The following KIAA0232 variants were observed in gnomAD, a reference collection of about 807,000 sequenced individuals.
KIAA0232 encodes the protein KIAA0232, also known as uncharacterized protein KIAA0232.
A neutral mutation model predicts 122.0 loss-of-function variants in KIAA0232; 27 were observed. That is an observed-to-expected ratio of 0.22 (90% CI 0.16 to 0.31). The LOEUF (loss-of-function observed/expected upper bound fraction) is 0.31. KIAA0232 is among the 10% of genes least tolerant of loss of function. KIAA0232 has a pLI of 1.00. For missense variants in KIAA0232, 1,551 were observed against 1,634.2 expected (o/e 0.95, Z 0.88); for synonymous variants, 613 against 587.6 (o/e 1.04, Z -0.63).
At chr4:6,824,946 C>T (rs1718602685) in intron 3 of KIAA0232, among the ~76,000 whole-genome samples, 1 of 152,194 alleles carries the variant, frequency 6.6e-6, no homozygotes, top group East Asian at 1.9e-4. Flanking sequence ...CAGATCTTGT[C>T]ATGGACTGGT....
intron 8 of KIAA0232, 51 bp downstream of exon 8, chr4:6,871,733 A>C (rs772568743): frequency 9.0e-7 from 1 of 1,109,190 alleles, no homozygotes; most frequent in Non-Finnish European, 1.4e-6. Flanking sequence ...GTAATTTGTT[A>C]AGAGCAATAA....
chr4:6,855,771 T>A lies in KIAA0232; in HGVS notation c.370-1393T>A, dbSNP rs1023003896. 2.3e-6 allele frequency: 2 copies of A among 869,056 alleles called. No individual in the cohort carries two copies. The highest frequency in any genetic ancestry group is 3.6e-5 in the African/African-American group (2 of 54,978). 53.8% of individuals were successfully genotyped at this position (869,056 alleles called of 1,614,324 possible). On this transcript the variant is annotated intron_variant, in intron 4 of 9. Transcript: ENST00000307659. This position sits in a 1 kb window ranked among gnomAD's most constrained non-coding sequence, Gnocchi z 4.3. ...TGCATTGCGAGACTAGCCCTAGGTTTAGAAACCTAGTGACATAGGCTTGCT... is the reference window on the plus strand; with the variant it reads ...TGCATTGCGAGACTAGCCCTAGGTTAAGAAACCTAGTGACATAGGCTTGCT...
At chr4:6,875,231 G>A (rs772079770) in intron 8 of KIAA0232, among the ~76,000 whole-genome samples, 42 of 152,240 alleles carry the variant, frequency 2.8e-4, no homozygotes, top group African/African-American at 8.0e-4. Flanking sequence ...GTGTGTGCCC[G>A]GCACTGTGCT....
At chr4:6,810,728 A>G (rs1022395656) in intron 2 of KIAA0232, among the ~76,000 whole-genome samples, 1 of 152,310 alleles carries the variant, frequency 6.6e-6, no homozygotes, top group Middle Eastern at 3.4e-3. Flanking sequence ...CAGACACTTC[A>G]ACAACAGCAA....
chr4:6,881,106 C>T lies in KIAA0232; in HGVS notation c.*140C>T. 1 of 628,758 alleles carries T rather than the reference C, an allele frequency of 1.6e-6. No homozygotes were observed. Among genetic ancestry groups the T allele is most frequent in the South Asian group, 4.2e-5 (1 of 23,868 alleles). 38.9% of individuals were successfully genotyped at this position (628,758 alleles called of 1,614,324 possible). A position where few individuals can be genotyped will look rare whatever the true frequency, so the allele number is the denominator to read the frequency against. On this transcript the variant is annotated 3_prime_UTR_variant, in exon 10 of 10. Transcript: ENST00000307659. ...TCAGATTGGTAATAATTATCTTTCT[C>T]TTCTTGCTTATTTTAGAGTTGAGGA...
chr4:6,837,851 C>T (rs75562140), intron 3 of KIAA0232, among the ~76,000 whole-genome samples: 3 of 151,050 alleles, frequency 2.0e-5, no homozygotes, highest in African/African-American at 7.3e-5. Context: ...TGCAGTGAGC[C>T]GAGATGGCGG....
At chr4:6,785,484 A>G (rs1334044327) in intron 1 of KIAA0232, among the ~76,000 whole-genome samples, 2 of 152,228 alleles carry the variant, frequency 1.3e-5, no homozygotes, top group Admixed American at 6.5e-5. Context: ...CCTGTTTCAC[A>G]GAATAGTTGG....
At chr4:6,783,561 C>T (rs1325049497) in intron 1 of KIAA0232, among the ~76,000 whole-genome samples, 2 of 152,132 alleles carry the variant, frequency 1.3e-5, no homozygotes. Context: ...CCTCCGTTCC[C>T]CTCCCCTCCA....
At position 6,881,115 on chromosome 4, in the gene KIAA0232, T is replaced by A; in HGVS notation, c.*149T>A. The A allele has an allele frequency of 1.7e-6, 1 of 599,046 alleles. No homozygotes were observed. Among genetic ancestry groups the A allele is most frequent in the East Asian group, 3.4e-5 (1 of 29,730 alleles). 37.1% of individuals were successfully genotyped at this position (599,046 alleles called of 1,614,324 possible). ...TAATAATTATCTTTCTCTTCTTGCT[T>A]ATTTTAGAGTTGAGGACAGCTATCC... On this transcript the variant is annotated 3_prime_UTR_variant, in exon 10 of 10. Coordinates refer to ENST00000307659, the MANE Select transcript of KIAA0232 (RefSeq NM_014743.3).
chr4:6,867,903 G>A lies in KIAA0232; in HGVS notation c.3802-3671G>A, dbSNP rs1359068643. ...ATTTTCCACCACTCTGCACCTCTGT[G>A]AACTGAGGAAGACTTAGACCAGCAG... On this transcript the variant is annotated intron_variant, in intron 7 of 9. Transcript: ENST00000307659. Among the ~76,000 whole-genome samples the A allele has an allele frequency of 2.0e-5, 3 of 152,230 alleles. No homozygotes were observed. The East Asian group carries it at 5.8e-4, about 29-fold the overall frequency.
At chr4:6,797,272 G>T (rs941938926) in intron 1 of KIAA0232, among the ~76,000 whole-genome samples, 4 of 152,168 alleles carry the variant, frequency 2.6e-5, no homozygotes, top group Non-Finnish European at 5.9e-5. Flanking sequence ...AAAAGATCAG[G>T]TAGCACCCTG....
intron 2 of KIAA0232, among the ~76,000 whole-genome samples, chr4:6,817,784 A>G (rs1718206896): frequency 1.3e-5 from 2 of 152,052 alleles, no homozygotes; most frequent in South Asian, 4.2e-4. Flanking sequence ...ATCTAGTGTA[A>G]TTGTGGACTT....
In KIAA0232 at chr4:6,862,383, C is replaced by T; in HGVS notation, c.2001C>T (p.Leu667=). The T allele has an allele frequency of 6.2e-7, 1 of 1,614,120 alleles. No individual in the cohort carries two copies. Among genetic ancestry groups the T allele is most frequent in the Non-Finnish European group, 8.5e-7 (1 of 1,180,026 alleles). Reference sequence around the variant, plus strand: ...TTTTACCATTTTCTTTTGAAACACTCAACTTGGGAAATGAAAATACAGATT... The same window carrying T: ...TTTTACCATTTTCTTTTGAAACACTTAACTTGGGAAATGAAAATACAGATT... ...NSVLPFSFET[L]NLGNENTDSS... is the part of the protein sequence containing the mutation. Residue 667 remains leucine (L), a synonymous_variant, in exon 7 of 10, where the codon CTC becomes CTT. Transcript: ENST00000307659.
intron 3 of KIAA0232, among the ~76,000 whole-genome samples, chr4:6,831,577 G>A (rs1718983706): frequency 6.6e-6 from 1 of 152,048 alleles, no homozygotes; most frequent in Non-Finnish European, 1.5e-5. Flanking sequence ...ACTTTTTATT[G>A]AGGCATAAAA....
chr4:6,801,665 C>T (rs911168866), intron 1 of KIAA0232, among the ~76,000 whole-genome samples: 7 of 148,520 alleles, frequency 4.7e-5, no homozygotes, highest in African/African-American at 1.2e-4. Context: ...GACTGGGTGA[C>T]AGGACGAAAA....
At chr4:6,815,479 G>T (rs1718076074) in intron 2 of KIAA0232, among the ~76,000 whole-genome samples, 1 of 152,070 alleles carries the variant, frequency 6.6e-6, no homozygotes, top group Non-Finnish European at 1.5e-5. Flanking sequence ...TCTGTACGTG[G>T]GTCATCTGCT....
intron 3 of KIAA0232, among the ~76,000 whole-genome samples, chr4:6,830,262 C>T (rs1718895106): frequency 6.6e-6 from 1 of 152,150 alleles, no homozygotes; most frequent in African/African-American, 2.4e-5. Flanking sequence ...TGCCCAAGGC[C>T]ACACAGCTAG....
At chr4:6,783,540 C>T (rs1054653018) in intron 1 of KIAA0232, among the ~76,000 whole-genome samples, 2 of 152,152 alleles carry the variant, frequency 1.3e-5, no homozygotes, top group African/African-American at 4.8e-5. Context: ...CTGGGCCGCT[C>T]GCTCGCGTTC....
intron 1 of KIAA0232, among the ~76,000 whole-genome samples, chr4:6,799,695 TTTTG>T (rs555630307): frequency 2.0e-5 from 3 of 152,168 alleles, no homozygotes; most frequent in South Asian, 2.1e-4. Context: ...TTTTTTTGTT[TTTTG>T]TTTGTTTGTT....
Sources: allele counts gnomAD v4.1 joint callset (sites outside exome capture counted in the v4.1 genomes callset), GRCh38; gene constraint gnomAD v4.1.1; non-coding constraint Gnocchi (gnomAD v3.1); transcripts MANE v1.5; gene names NCBI Gene and HGNC (gene_info 2026-07-23, HGNC 2026-07-21).